The following NEU2 variants were observed in gnomAD, a reference collection of about 807,000 sequenced individuals.
NEU2 encodes the protein sialidase-2.
In NEU2, 7 loss-of-function variants were observed where a neutral mutation model predicts 6.3. The observed-to-expected ratio is 1.12, with a 90% CI of 0.63 to 2.10. The LOEUF (loss-of-function observed/expected upper bound fraction) is 2.10, where lower values mean the gene tolerates loss of function less well. Among genes scored for constraint, NEU2 ranks in the 30% most tolerant of loss-of-function variants. The probability of loss-of-function intolerance (pLI) is 0.00; values close to 1 mark genes in which losing one functional copy is unlikely to be tolerated. For missense variants in NEU2, 509 were observed against 504.0 expected (o/e 1.01, Z -0.09); for synonymous variants, 208 against 223.3 (o/e 0.93, Z 0.61).
intron 1 of NEU2, 69 bp downstream of exon 1, chr2:233,032,941 C>T: frequency 6.8e-7 from 1 of 1,471,638 alleles, no homozygotes; most frequent in Non-Finnish European, 9.2e-7. Context: ...TGATCAGGGG[C>T]CAGTCCTGGA....
In NEU2 at chr2:233,034,528, C is replaced by A; in HGVS notation, c.614C>A (p.Thr205Lys). Reference protein sequence around the residue: ...FCFLSHDHGRTWARGHFVAQD... With the variant: ...FCFLSHDHGRKWARGHFVAQD... ...TTCCTCAGCCATGACCATGGGCGCA[C>A]GTGGGCGCGAGGGCACTTTGTGGCC... The change falls in exon 2 of 2, where the codon ACG becomes AAG. Residue 205 changes from threonine (T) to lysine (K), a missense_variant. Coordinates refer to ENST00000233840, the MANE Select transcript of NEU2 (RefSeq NM_005383.2). The surrounding 1 kb of genome is among the most constrained non-coding windows in gnomAD (Gnocchi z 4.8). The A allele has an allele frequency of 6.2e-7, 1 of 1,614,104 alleles. No individual in the cohort carries two copies. The highest frequency in any genetic ancestry group is 8.5e-7 in the Non-Finnish European group (1 of 1,179,980).
rs770491990 is a variant in NEU2, at chr2:233,034,717, C to T, written c.803C>T (p.Pro268Leu). The T allele has an allele frequency of 1.1e-5, 17 of 1,541,994 alleles. No homozygotes were observed. The highest frequency in any genetic ancestry group is 2.5e-5 in the South Asian group (2 of 79,014). The change falls in exon 2 of 2, where the codon CCG (proline) becomes CTG (leucine). Residue 268 changes from proline to leucine, a missense_variant. Pro to Leu is a moderately conservative substitution (Grantham distance 98). Transcript: ENST00000233840. This position sits in a 1 kb window ranked among gnomAD's most constrained non-coding sequence, Gnocchi z 4.8. Reference protein sequence around the residue: ...SQLVKKLVEPPPQGCQGSVIS... With the variant: ...SQLVKKLVEPLPQGCQGSVIS... ...CTGGTGAAGAAGCTGGTGGAGCCGC[C>T]GCCCCAGGGCTGCCAGGGGAGCGTC...
At position 233,032,903 on chromosome 2, in the gene NEU2, C is replaced by G. The variant is rs774965534; in HGVS notation, c.201+31C>G. ...GCAGGAGGTGTCTGCACTGGCTCCC[C>G]AGGGCTCTGCCACACCCTTTGCTGC... On this transcript the variant is annotated intron_variant, in intron 1 of 1. Coordinates refer to ENST00000233840, the MANE Select transcript of NEU2 (RefSeq NM_005383.2). 2.6e-6 allele frequency: 4 copies of G among 1,554,528 alleles called. No homozygotes were observed. The South Asian group carries it at 3.5e-5, about 14-fold the overall frequency.
Position 233,034,931 on chromosome 2 carries a change from C to G in NEU2, c.1017C>G (p.Ser339Arg), listed in dbSNP as rs201036365. 6.2e-7 allele frequency: 1 copy of G among 1,614,184 alleles called. No individual in the cohort carries two copies. The change falls in exon 2 of 2, where the codon AGC becomes AGG. Residue 339 changes from serine to arginine, a missense_variant. Transcript: ENST00000233840. This position sits in a 1 kb window ranked among gnomAD's most constrained non-coding sequence, Gnocchi z 4.8. ...GCTGTGCCTACTCAGACCTCCAGAG[C>G]ATGGGCACCGGCCCTGATGGGTCCC... ...KGSCAYSDLQSMGTGPDGSPL... is the reference protein window; with the variant it reads ...KGSCAYSDLQRMGTGPDGSPL...
chr2:233,033,021 G>T, intron 1 of NEU2, 149 bp downstream of exon 1: 1 of 886,906 alleles, frequency 1.1e-6, no homozygotes, highest in Non-Finnish European at 1.7e-6. Flanking sequence ...AGCAGAGAAA[G>T]TGCCCCTAAT....
At position 233,034,077 on chromosome 2, in the gene NEU2, G is replaced by C; in HGVS notation, c.202-39G>C. ...GCAGCTCCTGGCACCATCCCCAGCT[G>C]TTTCAAGGCTGCCTTCTTCTTTCTC... is the stretch of plus-strand genomic sequence containing the variant. On this transcript the variant is annotated intron_variant, in intron 1 of 1. Transcript: ENST00000233840. The surrounding 1 kb of genome is among the most constrained non-coding windows in gnomAD (Gnocchi z 4.8). The C allele has an allele frequency of 6.4e-7, 1 of 1,552,254 alleles. No homozygotes were observed. Among genetic ancestry groups the C allele is most frequent in the Non-Finnish European group, 8.7e-7 (1 of 1,148,032 alleles).
At chr2:233,033,740 T>G (rs1219143420) in intron 1 of NEU2, among the ~76,000 whole-genome samples, 3 of 152,170 alleles carry the variant, frequency 2.0e-5, no homozygotes, top group Non-Finnish European at 4.4e-5. Flanking sequence ...GGCTTTGCTA[T>G]TCAAGGATGG....
chr2:233,032,879 C>T lies in NEU2; in HGVS notation c.201+7C>T, dbSNP rs1453583235. 1 of 1,582,048 alleles carries T rather than the reference C, an allele frequency of 6.3e-7. No homozygotes were observed. The highest frequency in any genetic ancestry group is 8.6e-7 in the Non-Finnish European group (1 of 1,164,156). On this transcript the variant is annotated splice_region_variant and intron_variant, in intron 1 of 1. Transcript: ENST00000233840. The stretch of plus-strand genomic sequence containing the variant: ...ACCCACCCACCAGGTTCAGGTGAGG[C>T]AGGAGGTGTCTGCACTGGCTCCCCA...
At chr2:233,033,048 G>A (rs1447377793) in intron 1 of NEU2, among the ~76,000 whole-genome samples, 176 bp downstream of exon 1, 1 of 152,198 alleles carries the variant, frequency 6.6e-6, no homozygotes, top group African/African-American at 2.4e-5. Context: ...CTGGACCTCT[G>A]GGTTCACTGT....
Position 233,034,863 on chromosome 2 carries a change from G to C in NEU2, c.949G>C (p.Ala317Pro). ...LGAYLNPRPPAPEAWSEPVLL... is the reference protein window; with the variant it reads ...LGAYLNPRPPPPEAWSEPVLL... ...TGCCTACCTCAACCCGCGACCTCCA[G>C]CCCCTGAGGCCTGGTCAGAGCCGGT... is the stretch of plus-strand genomic sequence containing the variant. The change falls in exon 2 of 2, where the codon GCC (alanine) becomes CCC (proline). Residue 317 changes from alanine to proline, a missense_variant. Physicochemically the swap from Ala to Pro is conservative, Grantham distance 27. Coordinates refer to ENST00000233840, the MANE Select transcript of NEU2 (RefSeq NM_005383.2). The surrounding 1 kb of genome is among the most constrained non-coding windows in gnomAD (Gnocchi z 4.8). 2 of 1,612,214 alleles carry C rather than the reference G, an allele frequency of 1.2e-6. No individual in the cohort carries two copies. Among genetic ancestry groups the C allele is most frequent in the Non-Finnish European group, 1.7e-6 (2 of 1,178,888 alleles).
rs772219836 is a variant in NEU2 at position 233,034,570 on chromosome 2, G to A, written c.656G>A (p.Cys219Tyr). ...TTTGTGGCCCAGGACACCCTGGAGT[G>A]CCAGGTGGCCGAAGTCGAGACTGGG... ...GHFVAQDTLE[C>Y]QVAEVETGEQ... Residue 219 changes from cysteine (C) to tyrosine (Y), a missense_variant, in exon 2 of 2, where the codon TGC becomes TAC. Coordinates refer to ENST00000233840, the MANE Select transcript of NEU2 (RefSeq NM_005383.2). The surrounding 1 kb of genome is among the most constrained non-coding windows in gnomAD (Gnocchi z 4.8). The A allele has an allele frequency of 4.3e-6, 7 of 1,614,082 alleles. No homozygotes were observed. The highest frequency in any genetic ancestry group is 2.2e-5 in the East Asian group (1 of 44,882).
chr2:233,033,264 A>T (rs1398102596), intron 1 of NEU2, among the ~76,000 whole-genome samples: 4 of 152,192 alleles, frequency 2.6e-5, no homozygotes, highest in Non-Finnish European at 5.9e-5. Context: ...TCCTGATGAC[A>T]GCACCCAAGG....
rs141846686 is a variant in NEU2, at chr2:233,034,161, C to G, written c.247C>G (p.Arg83Gly). 1.2e-6 allele frequency: 2 copies of G among 1,613,752 alleles called. No individual in the cohort carries two copies. Among genetic ancestry groups the G allele is most frequent in the Non-Finnish European group, 1.7e-6 (2 of 1,179,860 alleles). Residue 83 changes from arginine to glycine, a missense_variant, in exon 2 of 2, where the codon CGG becomes GGG. Arg to Gly is a moderately radical substitution (Grantham distance 125). Coordinates refer to ENST00000233840, the MANE Select transcript of NEU2 (RefSeq NM_005383.2). The surrounding 1 kb of genome is among the most constrained non-coding windows in gnomAD (Gnocchi z 4.8). ...GGCCCAGGCCCGGCTGGATGGCCAC[C>G]GGTCCATGAACCCATGCCCCTTGTA... ...VVAQARLDGH[R>G]SMNPCPLYDA...
Sources: allele counts gnomAD v4.1 joint callset (sites outside exome capture counted in the v4.1 genomes callset), GRCh38; gene constraint gnomAD v4.1.1; non-coding constraint Gnocchi (gnomAD v3.1); transcripts MANE v1.5; gene names NCBI Gene and HGNC (gene_info 2026-07-23, HGNC 2026-07-21).